The following RFC1 variants were observed in gnomAD, a reference collection of about 807,000 sequenced individuals.
RFC1 encodes the protein replication factor C subunit 1, also known as A1 140 kDa subunit.
RFC1 carries 37 observed loss-of-function variants against 137.4 expected under a neutral mutation model. The ratio of observed to expected loss-of-function variants is 0.27; its 90% confidence interval spans 0.21 to 0.35. RFC1 has a LOEUF of 0.35. Ranked by LOEUF, RFC1 falls within the 10% of genes least tolerant of loss-of-function variation. The pLI, the probability that RFC1 is intolerant of heterozygous loss-of-function variation, is 1.00. For synonymous variants in RFC1, 429 were observed against 455.7 expected, an observed-to-expected ratio of 0.94 and a Z score of 0.75; for missense variants, 1,205 against 1,358.5, an observed-to-expected ratio of 0.89 and a Z score of 1.78.
At chr4:39,324,561 T>C (rs530541529) in intron 6 of RFC1, among the ~76,000 whole-genome samples, 3 of 152,294 alleles carry the variant, frequency 2.0e-5, no homozygotes, top group South Asian at 2.1e-4. Flanking sequence ...AGAAAAACAT[T>C]TTGAAAACAC....
intron 22 of RFC1, among the ~76,000 whole-genome samples, chr4:39,292,349 G>A (rs1737722566): frequency 6.6e-6 from 1 of 152,068 alleles, no homozygotes; most frequent in South Asian, 2.1e-4. Context: ...TCTAGAGCCG[G>A]CTTTTCTCCA....
chr4:39,316,256 C>A (rs1560601867), intron 10 of RFC1, among the ~76,000 whole-genome samples: 1 of 152,108 alleles, frequency 6.6e-6, no homozygotes, highest in Non-Finnish European at 1.5e-5. Flanking sequence ...AAAATTCCTT[C>A]TCTTAGACAA....
At position 39,307,988 on chromosome 4, in the gene RFC1, T is replaced by C. The variant is rs764092013; in HGVS notation, c.1885+648A>G. Among the ~76,000 whole-genome samples, 6 of 152,276 alleles carry C rather than the reference T, an allele frequency of 3.9e-5. 1 individual carries two copies. The South Asian group carries it at 8.3e-4, about 21-fold the overall frequency. ...TCAGTTAAGAAAATACTTTGGACATTAAATACATATTGGAGCTTTTCACTC... is the reference window on the plus strand; with the variant it reads ...TCAGTTAAGAAAATACTTTGGACATCAAATACATATTGGAGCTTTTCACTC... On this transcript the variant is annotated intron_variant, in intron 13 of 24. Coordinates refer to ENST00000349703, the MANE Select transcript of RFC1 (RefSeq NM_002913.5).
chr4:39,352,125 GCACATA>G (rs948039509), intron 1 of RFC1, among the ~76,000 whole-genome samples: 14 of 152,198 alleles, frequency 9.2e-5, no homozygotes, highest in African/African-American at 3.1e-4. Flanking sequence ...GATCATACAT[GCACATA>G]CACATACACA....
At chr4:39,323,299 T>C (rs781080820) in intron 7 of RFC1, 41 bp downstream of exon 7, 1 of 1,524,086 alleles carries the variant, frequency 6.6e-7, no homozygotes, top group South Asian at 1.1e-5. Flanking sequence ...CACTGATCTG[T>C]ACTGTATATT....
chr4:39,353,307 C>A (rs114803095), intron 1 of RFC1, among the ~76,000 whole-genome samples: 1 of 133,290 alleles, frequency 7.5e-6, no homozygotes, highest in African/African-American at 2.8e-5. Context: ...GACTGGAGCA[C>A]GAGAATCGCT....
At chr4:39,354,215 A>G (rs35426132) in intron 1 of RFC1, among the ~76,000 whole-genome samples, 57,234 of 152,112 alleles carry the variant, frequency 0.38, 12,915 homozygotes, top group East Asian at 0.58. Flanking sequence ...AATTTTCATC[A>G]GAATGGAAGC....
At chr4:39,298,894 G>A (rs542831084) in intron 21 of RFC1, among the ~76,000 whole-genome samples, 26 of 152,286 alleles carry the variant, frequency 1.7e-4, no homozygotes, top group African/African-American at 4.3e-4. Flanking sequence ...CAAGGCGGGC[G>A]GATCACGAGG....
intron 2 of RFC1, among the ~76,000 whole-genome samples, chr4:39,346,511 C>T (rs981354003): frequency 6.6e-6 from 1 of 150,938 alleles, no homozygotes; most frequent in Non-Finnish European, 1.5e-5. Context: ...AAAACCAATG[C>T]AAAAGGTATT....
At chr4:39,336,739 G>A (rs1310380722) in intron 4 of RFC1, among the ~76,000 whole-genome samples, 1 of 152,080 alleles carries the variant, frequency 6.6e-6, no homozygotes, top group Non-Finnish European at 1.5e-5. Context: ...TATCACCCTT[G>A]GTTGAGAAAC....
chr4:39,305,802 T>C (rs990492000), intron 14 of RFC1, among the ~76,000 whole-genome samples: 2 of 152,028 alleles, frequency 1.3e-5, no homozygotes, highest in African/African-American at 4.8e-5. Flanking sequence ...ATGATAATAA[T>C]AAAGAGAGAA....
chr4:39,312,086 T>A (rs1738987450), intron 11 of RFC1, among the ~76,000 whole-genome samples: 1 of 152,210 alleles, frequency 6.6e-6, no homozygotes. Flanking sequence ...GACATGTTTC[T>A]GGGAAAACTC....
chr4:39,320,674 G>C lies in RFC1; in HGVS notation c.809-5C>G. ...CTGAAACTTGTGCTGTTTTTACTAGGAAGAAAGAAAAGATTATGGTTGTTG... is the reference window on the plus strand; with the variant it reads ...CTGAAACTTGTGCTGTTTTTACTAGCAAGAAAGAAAAGATTATGGTTGTTG... On this transcript the variant is annotated splice_region_variant and splice_polypyrimidine_tract_variant and intron_variant, in intron 8 of 24. Coordinates refer to ENST00000349703, the MANE Select transcript of RFC1 (RefSeq NM_002913.5). 1 of 1,560,862 alleles carries C rather than the reference G, an allele frequency of 6.4e-7. No individual in the cohort carries two copies. Among genetic ancestry groups the C allele is most frequent in the Middle Eastern group, 1.7e-4 (1 of 5,798 alleles).
Position 39,319,021 on chromosome 4 carries a change from CTCA to C in RFC1, c.1095+1359_1095+1361del, listed in dbSNP as rs536354241. ...AAAATTTTTCAAAGATATTCATTAT[CTCA>C]TCATTTTTTCCTTTAAAAATAATTT... On this transcript the variant is annotated intron_variant, in intron 9 of 24. Transcript: ENST00000349703. 1.1e-4 allele frequency among the ~76,000 whole-genome samples: 16 copies of C among 152,304 alleles called. 1 individual carries two copies. The South Asian group carries it at 3.1e-3, about 30-fold the overall frequency.
chr4:39,314,007 A>G (rs1022154098), intron 10 of RFC1, among the ~76,000 whole-genome samples: 5 of 152,252 alleles, frequency 3.3e-5, no homozygotes, highest in East Asian at 1.9e-4. Flanking sequence ...TGAAAATTAT[A>G]CATGACATTC....
intron 1 of RFC1, among the ~76,000 whole-genome samples, chr4:39,361,867 T>G (rs1741775878): frequency 6.6e-6 from 1 of 152,042 alleles, no homozygotes; most frequent in Admixed American, 6.6e-5. Flanking sequence ...AAACCCCATC[T>G]CTACTAAAAA....
At chr4:39,359,361 A>G (rs1390904208) in intron 1 of RFC1, among the ~76,000 whole-genome samples, 1 of 152,240 alleles carries the variant, frequency 6.6e-6, no homozygotes, top group Non-Finnish European at 1.5e-5. Flanking sequence ...ATATATATAT[A>G]CAATGGAATA....
chr4:39,289,663 C>T (rs1172959370), intron 24 of RFC1, 185 bp downstream of exon 24: 8 of 537,238 alleles, frequency 1.5e-5, no homozygotes, highest in South Asian at 5.7e-5. Context: ...TTTGGCTCTT[C>T]GACTACCATA....
At chr4:39,314,844 C>T (rs1739160632) in intron 10 of RFC1, among the ~76,000 whole-genome samples, 1 of 152,116 alleles carries the variant, frequency 6.6e-6, no homozygotes, top group South Asian at 2.1e-4. Flanking sequence ...TCCCCTCCTG[C>T]CTTCTTAGAA....
Sources: allele counts gnomAD v4.1 joint callset (sites outside exome capture counted in the v4.1 genomes callset), GRCh38; gene constraint gnomAD v4.1.1; transcripts MANE v1.5; gene names NCBI Gene and HGNC (gene_info 2026-07-23, HGNC 2026-07-21).